Variants in ERBB4 observed in about 807,000 individuals in gnomAD.
ERBB4 encodes the protein receptor tyrosine-protein kinase erbB-4.
In ERBB4, 42 loss-of-function variants were observed where a neutral mutation model predicts 158.0. The ratio of observed to expected loss-of-function variants is 0.27; its 90% CI spans 0.21 to 0.34. ERBB4 has a LOEUF of 0.34. ERBB4 is among the 10% of genes least tolerant of loss of function. The pLI is 1.00. For synonymous variants in ERBB4, 583 were observed against 558.7 expected (o/e 1.04, Z -0.61); for missense variants, 1,333 against 1,624.1 (o/e 0.82, Z 3.08).
chr2:211,635,170 A>C (rs2070312360), intron 16 of ERBB4, among the ~76,000 whole-genome samples: 1 of 152,170 alleles, frequency 6.6e-6, no homozygotes, highest in African/African-American at 2.4e-5. Context: ...AATTTCTAAG[A>C]TCAAGTCCAA....
intron 3 of ERBB4, among the ~76,000 whole-genome samples, chr2:211,915,451 A>ATG (rs920750367): frequency 6.6e-6 from 1 of 151,170 alleles, no homozygotes; most frequent in African/African-American, 2.4e-5. Context: ...ATATATATAT[A>ATG]TATATCTCCA....
At chr2:211,830,547 A>G (rs12624020) in intron 3 of ERBB4, among the ~76,000 whole-genome samples, 29,173 of 152,058 alleles carry the variant, frequency 0.19, 3,124 homozygotes, top group South Asian at 0.33. Flanking sequence ...ACTGTTAACA[A>G]TATATTTTTA....
At chr2:211,515,984 G>A (rs2066020397) in intron 20 of ERBB4, among the ~76,000 whole-genome samples, 2 of 139,096 alleles carry the variant, frequency 1.4e-5, no homozygotes, top group Non-Finnish European at 3.0e-5. Flanking sequence ...GCCTGATCTC[G>A]ACTCACTGCA....
chr2:211,667,884 C>CA, intron 14 of ERBB4, among the ~76,000 whole-genome samples: 1 of 151,992 alleles, frequency 6.6e-6, no homozygotes, highest in East Asian at 1.9e-4. Flanking sequence ...ACTTTTTGTT[C>CA]TTTGTTTTTT....
At chr2:212,088,077 G>A (rs2078667873) in intron 2 of ERBB4, among the ~76,000 whole-genome samples, 1 of 151,996 alleles carries the variant, frequency 6.6e-6, no homozygotes, top group Non-Finnish European at 1.5e-5. Flanking sequence ...TCTCTTCTCT[G>A]ATCCAGGAAC....
intron 2 of ERBB4, among the ~76,000 whole-genome samples, chr2:212,112,855 T>G (rs1014576453): frequency 6.6e-6 from 1 of 152,198 alleles, no homozygotes; most frequent in South Asian, 2.1e-4. Context: ...ATTACAAAGA[T>G]TATAATTCCA....
intron 1 of ERBB4, among the ~76,000 whole-genome samples, chr2:212,303,273 A>G (rs2086687302): frequency 6.6e-6 from 1 of 151,354 alleles, no homozygotes. Context: ...GACAGGAGGG[A>G]TGTTCAGGAT....
At chr2:212,434,257 A>G (rs1000210417) in intron 1 of ERBB4, among the ~76,000 whole-genome samples, 2 of 152,016 alleles carry the variant, frequency 1.3e-5, no homozygotes, top group Non-Finnish European at 2.9e-5. Flanking sequence ...AGAATGAATG[A>G]ATACAAATAT....
chr2:212,026,081 T>C (rs1031900713), intron 2 of ERBB4, among the ~76,000 whole-genome samples: 3 of 151,696 alleles, frequency 2.0e-5, no homozygotes, highest in African/African-American at 7.2e-5. Context: ...GATATTATTA[T>C]TAAAATCAAT....
At chr2:212,005,216 C>G (rs749182549) in intron 2 of ERBB4, among the ~76,000 whole-genome samples, 1 of 152,044 alleles carries the variant, frequency 6.6e-6, no homozygotes, top group African/African-American at 2.4e-5. Flanking sequence ...GAGTGAGAGT[C>G]ACTCCTGCTA....
chr2:212,492,060 C>T (rs1690309108), intron 1 of ERBB4, among the ~76,000 whole-genome samples: 1 of 151,386 alleles, frequency 6.6e-6, no homozygotes, highest in African/African-American at 2.4e-5. Flanking sequence ...CAGGAGGATT[C>T]AGTAGCAGAG....
intron 20 of ERBB4, among the ~76,000 whole-genome samples, chr2:211,509,441 T>C (rs955857941): frequency 2.0e-5 from 3 of 152,022 alleles, no homozygotes; most frequent in African/African-American, 4.8e-5. Context: ...ATACAAAACG[T>C]AACTCAAGAT....
chr2:211,492,579 T>C (rs1009309446), intron 20 of ERBB4, among the ~76,000 whole-genome samples: 14 of 151,992 alleles, frequency 9.2e-5, no homozygotes, highest in African/African-American at 3.1e-4. Flanking sequence ...GGTAAAATAA[T>C]GATGGGCAAA....
intron 1 of ERBB4, among the ~76,000 whole-genome samples, chr2:212,354,107 G>A (rs894504376): frequency 3.3e-5 from 5 of 152,028 alleles, no homozygotes; most frequent in African/African-American, 1.2e-4. Flanking sequence ...CCTTACCAAT[G>A]AAGGCTCTTC....
chr2:211,727,006 G>A (rs547600355), intron 5 of ERBB4, among the ~76,000 whole-genome samples: 19 of 152,216 alleles, frequency 1.2e-4, no homozygotes, highest in African/African-American at 4.6e-4. Flanking sequence ...ATCCTTCCTA[G>A]CTTCTCAGCC....
intron 1 of ERBB4, among the ~76,000 whole-genome samples, chr2:212,269,906 T>C (rs2085282312): frequency 6.6e-6 from 1 of 151,804 alleles, no homozygotes; most frequent in African/African-American, 2.4e-5. Flanking sequence ...TGCCTCTAAG[T>C]ATCACGTCAA....
chr2:211,486,862 A>C (rs1423811698), intron 20 of ERBB4, among the ~76,000 whole-genome samples: 1 of 152,064 alleles, frequency 6.6e-6, no homozygotes, highest in Non-Finnish European at 1.5e-5. Context: ...TTTCAGGAAA[A>C]AGTTAGTTTT....
In ERBB4 at chr2:212,374,800, C is replaced by G. The variant is rs551726130; in HGVS notation, c.82+163649G>C. ...ATATGATTTGGGGCAAGAAAATTTT[C>G]TTTAGTCACTGATTTACTCTGTGGC... On this transcript the variant is annotated intron_variant, in intron 1 of 27. Transcript: ENST00000342788. Among the ~76,000 whole-genome samples, 49 of 151,980 alleles carry G rather than the reference C, an allele frequency of 3.2e-4. No individual in the cohort carries two copies. The East Asian group carries it at 8.9e-3, about 28-fold the overall frequency.
At chr2:211,897,417 G>T (rs1325316146) in intron 3 of ERBB4, among the ~76,000 whole-genome samples, 1 of 147,502 alleles carries the variant, frequency 6.8e-6, no homozygotes, top group Non-Finnish European at 1.5e-5. Context: ...TCATCTTCCT[G>T]TAAGATCACA....
Sources: allele counts gnomAD v4.1 joint callset (sites outside exome capture counted in the v4.1 genomes callset), GRCh38; gene constraint gnomAD v4.1.1; transcripts MANE v1.5; gene names NCBI Gene and HGNC (gene_info 2026-07-23, HGNC 2026-07-21).